ZNF536: variants seen among roughly 807,000 people sequenced by gnomAD.
The protein encoded by ZNF536 is zinc finger protein 536.
A neutral mutation model predicts 84.5 loss-of-function variants in ZNF536; 13 were observed. The observed-to-expected ratio is 0.15, with a 90% CI of 0.10 to 0.24. The LOEUF is 0.24. ZNF536 is among the 10% of genes least tolerant of loss of function. The pLI is 1.00. For synonymous variants in ZNF536, 811 were observed against 742.5 expected (o/e 1.09, Z -1.50); for missense variants, 1,536 against 1,747.5 (o/e 0.88, Z 2.16).
At chr19:30,645,419 T>C (rs542477639) in intron 1 of ZNF536, among the ~76,000 whole-genome samples, 4 of 152,328 alleles carry the variant, frequency 2.6e-5, no homozygotes, top group South Asian at 4.1e-4. Flanking sequence ...TTGCTTTTGG[T>C]GGCATTTCTT....
At chr19:30,308,326 G>A (rs553067535) in intron 2 of ZNF536, among the ~76,000 whole-genome samples, 10 of 152,210 alleles carry the variant, frequency 6.6e-5, no homozygotes, top group East Asian at 1.9e-4. Flanking sequence ...GGGACTTGGC[G>A]CTTTCTCCAT....
Position 30,549,087 on chromosome 19 carries a change from C to T in ZNF536, c.3468C>T (p.Asn1156=), listed in dbSNP as rs2146236783. The change falls in exon 4 of 5, where the codon AAC becomes AAT. Residue 1156 remains asparagine, a synonymous_variant. Coordinates refer to ENST00000355537, the MANE Select transcript of ZNF536 (RefSeq NM_014717.3). ...PILIPETTSK[N]TTDDLSDIAS... ...TGATCCCCGAAACCACGAGTAAGAA[C>T]ACTACTGATGACCTCTCTGACATTG... The T allele has an allele frequency of 1.2e-6, 2 of 1,614,180 alleles. No individual in the cohort carries two copies. The highest frequency in any genetic ancestry group is 2.2e-5 in the East Asian group (1 of 44,868).
chr19:30,334,838 C>G (rs957176425), intron 2 of ZNF536, among the ~76,000 whole-genome samples: 2 of 152,304 alleles, frequency 1.3e-5, no homozygotes, highest in South Asian at 2.1e-4. Flanking sequence ...CACCTCAGAT[C>G]GTCAAGCATT....
intron 1 of ZNF536, among the ~76,000 whole-genome samples, chr19:30,588,512 C>A (rs1243645038): frequency 1.3e-5 from 2 of 152,130 alleles, no homozygotes; most frequent in East Asian, 3.9e-4. Flanking sequence ...TGTGAGGGGA[C>A]CACTCACACA....
At chr19:30,506,319 A>G (rs1003272416) in intron 2 of ZNF536, among the ~76,000 whole-genome samples, 15 of 152,222 alleles carry the variant, frequency 9.9e-5, no homozygotes, top group East Asian at 3.9e-4. Flanking sequence ...TTTCTTTCAG[A>G]GGATGTTCAT....
intron 2 of ZNF536, among the ~76,000 whole-genome samples, chr19:30,309,772 G>A (rs1186467227): frequency 6.6e-6 from 1 of 152,168 alleles, no homozygotes; most frequent in Non-Finnish European, 1.5e-5. Flanking sequence ...ATTAAGGGTG[G>A]AACAATGTTT....
At chr19:30,474,663 T>C (rs2053774182) in intron 2 of ZNF536, among the ~76,000 whole-genome samples, 1 of 152,128 alleles carries the variant, frequency 6.6e-6, no homozygotes, top group African/African-American at 2.4e-5. Context: ...TAACATTGAT[T>C]ACTATTAATT....
chr19:30,710,992 G>C (rs570119050), exon 2 of ZNF536: 2 of 152,348 alleles, frequency 1.3e-5, no homozygotes, highest in Non-Finnish European at 2.9e-5. Context: ...GCCAGGAGGA[G>C]ACCAACTGAG....
intron 1 of ZNF536, among the ~76,000 whole-genome samples, chr19:30,399,002 A>T (rs1403886908): frequency 6.6e-6 from 1 of 152,234 alleles, no homozygotes; most frequent in African/African-American, 2.4e-5. Context: ...ACTGTCTTCC[A>T]CAATGATTGA....
chr19:30,331,599 C>T (rs1028675013), intron 2 of ZNF536, among the ~76,000 whole-genome samples: 1 of 152,150 alleles, frequency 6.6e-6, no homozygotes, highest in African/African-American at 2.4e-5. Context: ...ACAGGCTGGA[C>T]TTTGCTTCCT....
chr19:30,371,570 T>TG (rs999243800), upstream of ZNF536, among the ~76,000 whole-genome samples: 3 of 149,822 alleles, frequency 2.0e-5, no homozygotes, highest in African/African-American at 7.4e-5. Flanking sequence ...TTTTTTTTTT[T>TG]TGTTTTTTTT....
intron 1 of ZNF536, among the ~76,000 whole-genome samples, chr19:30,256,896 A>T (rs1388645804): frequency 6.6e-6 from 1 of 152,240 alleles, no homozygotes; most frequent in Non-Finnish European, 1.5e-5. Context: ...AGTAAAACTG[A>T]CAGCATTTAC....
intron 1 of ZNF536, among the ~76,000 whole-genome samples, chr19:30,630,943 A>T (rs1201187968): frequency 6.6e-6 from 1 of 152,214 alleles, no homozygotes; most frequent in Non-Finnish European, 1.5e-5. Flanking sequence ...AATCCTAAAA[A>T]ATTCAGTGGA....
At chr19:30,439,734 G>A (rs1202412098) in intron 1 of ZNF536, among the ~76,000 whole-genome samples, 1 of 151,082 alleles carries the variant, frequency 6.6e-6, no homozygotes, top group Non-Finnish European at 1.5e-5. Flanking sequence ...CATCTCCTAG[G>A]GAGCTGGTCA....
chr19:30,556,973 C>T, intron 4 of ZNF536, 184 bp from the exon 5 acceptor site: 2 of 612,550 alleles, frequency 3.3e-6, no homozygotes, highest in African/African-American at 2.0e-5. Flanking sequence ...TAATTGCCAA[C>T]CTGCCCTAAT....
intron 1 of ZNF536, among the ~76,000 whole-genome samples, chr19:30,627,403 T>G (rs1419493308): frequency 7.3e-6 from 1 of 136,436 alleles, no homozygotes; most frequent in Non-Finnish European, 1.5e-5. Context: ...CCCAAAAGTT[T>G]GAGGCTGCAG....
At chr19:30,689,441 A>G (rs1041594370) in intron 1 of ZNF536, among the ~76,000 whole-genome samples, 1 of 152,226 alleles carries the variant, frequency 6.6e-6, no homozygotes, top group African/African-American at 2.4e-5. Context: ...TCTTTCAGGA[A>G]ATGCTCATTG....
At chr19:30,302,628 T>A (rs2046221426) in intron 2 of ZNF536, among the ~76,000 whole-genome samples, 1 of 152,122 alleles carries the variant, frequency 6.6e-6, no homozygotes, top group Admixed American at 6.5e-5. Context: ...TCTACAATGC[T>A]ACAGGGCCAA....
At chr19:30,437,800 T>C (rs1043804908) in intron 1 of ZNF536, among the ~76,000 whole-genome samples, 4 of 152,236 alleles carry the variant, frequency 2.6e-5, no homozygotes, top group South Asian at 2.1e-4. Context: ...TAAGGACATC[T>C]GGCTGCCTTT....
Sources: allele counts gnomAD v4.1 joint callset (sites outside exome capture counted in the v4.1 genomes callset), GRCh38; gene constraint gnomAD v4.1.1; transcripts MANE v1.5; gene names NCBI Gene and HGNC (gene_info 2026-07-23, HGNC 2026-07-21).